The following TMOD4 variants were observed in gnomAD, a reference collection of about 807,000 sequenced individuals.
The protein encoded by TMOD4 is tropomodulin-4.
In TMOD4, 34 loss-of-function variants were observed where a neutral mutation model predicts 45.4. That is an observed-to-expected ratio of 0.75 (90% CI 0.57 to 1.00). TMOD4 has a LOEUF of 1.00. TMOD4 is among the 50% of genes least tolerant of loss of function. The probability of loss-of-function intolerance (pLI) is 0.00; values close to 1 mark genes in which losing one functional copy is unlikely to be tolerated. For missense variants in TMOD4, 399 were observed against 437.5 expected, an observed-to-expected ratio of 0.91 and a Z score of 0.78; for synonymous variants, 131 against 153.9, an observed-to-expected ratio of 0.85 and a Z score of 1.10.
Position 151,173,547 on chromosome 1 carries a change from C to G in TMOD4, c.349G>C (p.Glu117Gln). 6.2e-7 allele frequency: 1 copy of G among 1,614,176 alleles called. No homozygotes were observed. Among genetic ancestry groups the G allele is most frequent in the Non-Finnish European group, 8.5e-7 (1 of 1,180,038 alleles). The change falls in exon 4 of 10, where the codon GAG (glutamate) becomes CAG (glutamine). Residue 117 changes from glutamate to glutamine, a missense_variant. Physicochemically the swap from Glu to Gln is conservative, Grantham distance 29 (BLOSUM62 2). Coordinates refer to ENST00000295314, the MANE Select transcript of TMOD4 (RefSeq NM_013353.3). ...TCTGTGGCATGTGCCAGTGCCTCCT[C>G]CAGCTCAGGCTCCAGGGTGATCTGC... is the stretch of plus-strand genomic sequence containing the variant. ...EEQITLEPEL[E>Q]EALAHATDAE...
intron 8 of TMOD4, 60 bp downstream of exon 8, chr1:151,170,860 T>G: frequency 6.3e-7 from 1 of 1,586,606 alleles, no homozygotes; most frequent in East Asian, 2.2e-5. Context: ...CCCCACTGGC[T>G]GGCTCAGGGA....
In TMOD4 at chr1:151,170,900, C is replaced by T. The variant is rs1683932147; in HGVS notation, c.870+20G>A. The T allele has an allele frequency of 2.5e-6, 4 of 1,613,020 alleles. No homozygotes were observed. Among genetic ancestry groups the T allele is most frequent in the Non-Finnish European group, 2.5e-6 (3 of 1,179,486 alleles). ...ACTCAATGAGACTGAATGCTAACAT[C>T]AGGGGAAGGGAATGCTGACCTGATT... On this transcript the variant is annotated intron_variant, in intron 8 of 9. Coordinates refer to ENST00000295314, the MANE Select transcript of TMOD4 (RefSeq NM_013353.3).
Position 151,173,991 on chromosome 1 carries a change from A to G in TMOD4, c.281-376T>C, listed in dbSNP as rs1049490260. Among the ~76,000 whole-genome samples the G allele has an allele frequency of 7.9e-5, 12 of 151,688 alleles. No homozygotes were observed. The South Asian group carries it at 1.5e-3, about 18-fold the overall frequency. ...AGCACTTTGGGAGGCTAAGGCGGGC[A>G]GATCACGAGGTCAGGAGATCGAGAC... On this transcript the variant is annotated intron_variant, in intron 3 of 9. Coordinates refer to ENST00000295314, the MANE Select transcript of TMOD4 (RefSeq NM_013353.3).
chr1:151,174,286 A>G (rs1347026552), intron 3 of TMOD4, 105 bp downstream of exon 3: 14 of 1,271,060 alleles, frequency 1.1e-5, no homozygotes, highest in Non-Finnish European at 1.6e-5. Flanking sequence ...CTGAGTCCCT[A>G]GGCAACTAGG....
At chr1:151,174,369 A>T (rs1021383815) in intron 3 of TMOD4, 22 bp downstream of exon 3, 1 of 1,610,448 alleles carries the variant, frequency 6.2e-7, no homozygotes, top group East Asian at 2.2e-5. Flanking sequence ...TCTACGAGGC[A>T]TGGATGTCAG....
At chr1:151,175,153 T>C in intron 1 of TMOD4, 1 of 404,870 alleles carries the variant, frequency 2.5e-6, no homozygotes, top group Non-Finnish European at 4.6e-6. Context: ...CTAAGCTGGG[T>C]TTGTCTTCCC....
rs1421282350 is a variant in TMOD4 at position 151,173,521 on chromosome 1, A to G, written c.375T>C (p.Asp125=). The G allele has an allele frequency of 6.2e-7, 1 of 1,614,058 alleles. No individual in the cohort carries two copies. The highest frequency in any genetic ancestry group is 1.1e-5 in the South Asian group (1 of 91,090). The stretch of plus-strand genomic sequence containing the variant: ...CACCTGCAATGTCACACATTTCAGC[A>G]TCTGTGGCATGTGCCAGTGCCTCCT... ...ELEEALAHAT[D]AEMCDIAAIL... Residue 125 remains aspartate (D), a synonymous_variant, in exon 4 of 10, where the codon GAT becomes GAC. Transcript: ENST00000295314.
At position 151,174,777 on chromosome 1, in the gene TMOD4, GC is replaced by G; in HGVS notation, c.98del (p.Cys33SerfsTer17). The G allele has an allele frequency of 6.2e-7, 1 of 1,613,962 alleles. No homozygotes were observed. On this transcript the variant is annotated frameshift_variant, in exon 2 of 10. Transcript: ENST00000295314. LOFTEE classifies it high-confidence loss of function. Reference sequence around the variant, plus strand: ...CCTCAGGATCCATCTCCTGTAGTTCGCAGTCCAGCTGCTCTAGCTCCTCGGG... The same window carrying G: ...CCTCAGGATCCATCTCCTGTAGTTCGAGTCCAGCTGCTCTAGCTCCTCGGG... ...LSPEELEQLD[C>X]ELQEMDPENM...
In TMOD4 at chr1:151,174,507, GTC is replaced by G; in HGVS notation, c.162_163del (p.Gln54HisfsTer29). ...CAGTGGCCCCGTTGGGCTCTTCTTTGTCTGGTCACGTTGTCTTAGTCCAGCTG... is the reference window on the plus strand; with the variant it reads ...CAGTGGCCCCGTTGGGCTCTTCTTTGTGGTCACGTTGTCTTAGTCCAGCTG... On this transcript the variant is annotated frameshift_variant, in exon 3 of 10. Transcript: ENST00000295314. LOFTEE classifies it high-confidence loss of function. The G allele has an allele frequency of 1.9e-6, 3 of 1,614,140 alleles. No homozygotes were observed. Among genetic ancestry groups the G allele is most frequent in the Non-Finnish European group, 2.5e-6 (3 of 1,180,030 alleles).
In TMOD4 at chr1:151,172,274, T is replaced by G; in HGVS notation, c.481A>C (p.Ile161Leu). 1 of 1,612,900 alleles carries G rather than the reference T, an allele frequency of 6.2e-7. No homozygotes were observed. Among genetic ancestry groups the G allele is most frequent in the Non-Finnish European group, 8.5e-7 (1 of 1,179,104 alleles). ...CSGEICNTEG[I>L]SSVVQPDKYK... ...GCTCCCCAAACACACTCACTGCTAA[T>G]GCCTTCAGTGTTGCAGATTTCTCCA... is the stretch of plus-strand genomic sequence containing the variant. The change falls in exon 5 of 10, where the codon ATT (isoleucine) becomes CTT (leucine). Residue 161 changes from isoleucine to leucine, a missense_variant. By Grantham distance (5) the Ile-to-Leu change is conservative. Transcript: ENST00000295314.
At position 151,173,593 on chromosome 1, in the gene TMOD4, C is replaced by T. The variant is rs1331663110; in HGVS notation, c.303G>A (p.Lys101=). 1 of 1,614,200 alleles carries T rather than the reference C, an allele frequency of 6.2e-7. No homozygotes were observed. The highest frequency in any genetic ancestry group is 2.2e-5 in the East Asian group (1 of 44,882). The change falls in exon 4 of 10, where the codon AAG becomes AAA. Residue 101 remains lysine (K), a synonymous_variant. Transcript: ENST00000295314. ...TCTGCTCCTCTGCTGGGATTTCCCTCTTGGGCTGAATATAGGGTTTCCCTG... is the reference window on the plus strand; with the variant it reads ...TCTGCTCCTCTGCTGGGATTTCCCTTTTGGGCTGAATATAGGGTTTCCCTG... ...EKKGKPYIQP[K]REIPAEEQIT...
intron 3 of TMOD4, 151 bp downstream of exon 3, chr1:151,174,240 T>G (rs1273049442): frequency 9.0e-6 from 7 of 781,378 alleles, no homozygotes; most frequent in Admixed American, 2.4e-5. Context: ...AAAAAAGAAC[T>G]GAAGAGTGCA....
chr1:151,169,998 G>T lies in TMOD4; in HGVS notation c.*83C>A, dbSNP rs1022437766. On this transcript the variant is annotated 3_prime_UTR_variant, in exon 10 of 10. Coordinates refer to ENST00000295314, the MANE Select transcript of TMOD4 (RefSeq NM_013353.3). Reference sequence around the variant, plus strand: ...GGAGGCAGGCAAAATGGATAGAAGGGCTTTTATTTACAGGAAAGGAGGACA... The same window carrying T: ...GGAGGCAGGCAAAATGGATAGAAGGTCTTTTATTTACAGGAAAGGAGGACA... 5.6e-5 allele frequency: 87 copies of T among 1,539,988 alleles called. No individual in the cohort carries two copies. Among genetic ancestry groups the T allele is most frequent in the Non-Finnish European group, 7.7e-5 (86 of 1,113,884 alleles).
Position 151,172,454 on chromosome 1 carries a change from T to C in TMOD4, c.398-97A>G, listed in dbSNP as rs587705243. On this transcript the variant is annotated intron_variant, in intron 4 of 9. Coordinates refer to ENST00000295314, the MANE Select transcript of TMOD4 (RefSeq NM_013353.3). ...CTGAATCTGTTGCATTTGTAAAGCC[T>C]GACCACTTACACTTTGCCAAAGAAG... 3.4e-5 allele frequency: 33 copies of C among 971,606 alleles called. No homozygotes were observed. The East Asian group carries it at 8.0e-4, about 24-fold the overall frequency. The allele number at this position is 971,606 out of a possible 1,614,324, so 60.2% of individuals were successfully genotyped here. A position where few individuals can be genotyped will look rare whatever the true frequency, so the allele number is the denominator to read the frequency against.
In TMOD4 at chr1:151,173,598, G is replaced by A. The variant is rs2101714800; in HGVS notation, c.298C>T (p.Pro100Ser). The change falls in exon 4 of 10, where the codon CCC becomes TCC. Residue 100 changes from proline to serine, a missense_variant. Pro to Ser is a moderately conservative substitution (Grantham distance 74). Transcript: ENST00000295314. ...GEKKGKPYIQPKREIPAEEQI... is the reference protein window; with the variant it reads ...GEKKGKPYIQSKREIPAEEQI... ...TCCTCTGCTGGGATTTCCCTCTTGGGCTGAATATAGGGTTTCCCTGATGGG... is the reference window on the plus strand; with the variant it reads ...TCCTCTGCTGGGATTTCCCTCTTGGACTGAATATAGGGTTTCCCTGATGGG... The A allele has an allele frequency of 6.2e-7, 1 of 1,614,102 alleles. No homozygotes were observed. Among genetic ancestry groups the A allele is most frequent in the East Asian group, 2.2e-5 (1 of 44,878 alleles).
intron 7 of TMOD4, 73 bp from the exon 8 acceptor site, chr1:151,171,136 A>G: frequency 6.6e-7 from 1 of 1,522,860 alleles, no homozygotes; most frequent in Non-Finnish European, 9.0e-7. Context: ...GAACAGGAGC[A>G]AGAGGGAAAC....
intron 8 of TMOD4, 70 bp from the exon 9 acceptor site, chr1:151,170,733 C>T: frequency 6.3e-7 from 1 of 1,584,590 alleles, no homozygotes; most frequent in Non-Finnish European, 8.6e-7. Flanking sequence ...ATCACAGACC[C>T]CTTTGGGAGG....
intron 1 of TMOD4, 68 bp from the exon 2 acceptor site, chr1:151,174,985 G>C: frequency 6.1e-6 from 8 of 1,301,432 alleles, no homozygotes; most frequent in Non-Finnish European, 7.6e-6. Flanking sequence ...GACACAAAGA[G>C]ACCAGCCAGG....
At chr1:151,170,743 GT>G in intron 8 of TMOD4, 80 bp from the exon 9 acceptor site, 1 of 1,570,286 alleles carries the variant, frequency 6.4e-7, no homozygotes, top group South Asian at 1.2e-5. Context: ...CCTTTGGGAG[GT>G]CAAAGAAGCT....
Sources: gnomAD v4.1 joint callset for allele counts (sites outside exome capture counted in the v4.1 genomes callset) on GRCh38, gnomAD v4.1.1 for gene constraint, MANE v1.5 for transcripts, NCBI Gene and HGNC (gene_info 2026-07-23, HGNC 2026-07-21) for gene names.